The following LRP1B variants were observed in gnomAD, a reference collection of about 807,000 sequenced individuals.
The protein encoded by LRP1B is low-density lipoprotein receptor-related protein 1B.
In LRP1B, 217 loss-of-function variants were observed where a neutral mutation model predicts 556.6. The ratio of observed to expected loss-of-function variants is 0.39; its 90% CI spans 0.35 to 0.44. The LOEUF (loss-of-function observed/expected upper bound fraction) is 0.44. Among genes scored for constraint, LRP1B ranks in the 20% least tolerant of loss-of-function variants. The pLI, the probability that LRP1B is intolerant of heterozygous loss-of-function variation, is 1.00. For missense variants in LRP1B, 5,053 were observed against 5,620.8 expected (o/e 0.90, Z 3.23); for synonymous variants, 2,047 against 1,865.8 (o/e 1.10, Z -2.50).
At chr2:140,746,081 T>C (rs989718606) in intron 35 of LRP1B, among the ~76,000 whole-genome samples, 4 of 152,164 alleles carry the variant, frequency 2.6e-5, no homozygotes, top group African/African-American at 9.6e-5. Flanking sequence ...GTTGTGAGTG[T>C]GCACAATATG....
intron 7 of LRP1B, among the ~76,000 whole-genome samples, chr2:141,105,251 T>C (rs1354870588): frequency 1.3e-5 from 2 of 152,148 alleles, no homozygotes; most frequent in Non-Finnish European, 2.9e-5. Context: ...ATATGGATTT[T>C]ATATATCCAG....
chr2:141,660,220 G>A (rs1483360939), intron 2 of LRP1B, among the ~76,000 whole-genome samples: 3 of 152,212 alleles, frequency 2.0e-5, no homozygotes, highest in Non-Finnish European at 4.4e-5. Flanking sequence ...CCTGGGAGCC[G>A]GAACAAGGGG....
intron 3 of LRP1B, among the ~76,000 whole-genome samples, chr2:141,386,390 A>T (rs1191404000): frequency 6.6e-6 from 1 of 152,188 alleles, no homozygotes; most frequent in African/African-American, 2.4e-5. Flanking sequence ...AATGAAATGG[A>T]TGAAACTCTC....
chr2:142,043,146 T>C (rs1704121243), intron 1 of LRP1B, among the ~76,000 whole-genome samples: 1 of 151,616 alleles, frequency 6.6e-6, no homozygotes, highest in Non-Finnish European at 1.5e-5. Context: ...CTGGGTTAAC[T>C]GGATGTAATT....
At chr2:140,840,412 G>T (rs1425109703) in intron 30 of LRP1B, among the ~76,000 whole-genome samples, 1 of 152,034 alleles carries the variant, frequency 6.6e-6, no homozygotes, top group East Asian at 1.9e-4. Context: ...AATCCTCTTG[G>T]CTGTGAAGAA....
rs755044177 is a variant in LRP1B, at chr2:140,274,603, G to GA, written c.12968-6dup. 1.6e-4 allele frequency: 252 copies of GA among 1,600,248 alleles called. No homozygotes were observed. The highest frequency in any genetic ancestry group is 1.9e-4 in the Non-Finnish European group (225 of 1,173,788). ...CACAATAGTGGTGGCACACGTCTAG[G>GA]AAAAAAAGGCACAACAGAAAAATAA... On this transcript the variant is annotated splice_region_variant and splice_polypyrimidine_tract_variant and intron_variant, in intron 84 of 90. Coordinates refer to ENST00000389484, the MANE Select transcript of LRP1B (RefSeq NM_018557.3).
At chr2:141,103,522 T>TTCTATCTCTCTCTCTCTCTCTC (rs1553460353) in intron 7 of LRP1B, among the ~76,000 whole-genome samples, 3 of 149,026 alleles carry the variant, frequency 2.0e-5, no homozygotes, top group Admixed American at 6.7e-5. Flanking sequence ...AGCACACACA[T>TTCTATCTCTCTCTCTCTCTCTC]TCTCTCTCTC....
chr2:142,008,330 C>T (rs1324012422), intron 1 of LRP1B, among the ~76,000 whole-genome samples: 1 of 152,150 alleles, frequency 6.6e-6, no homozygotes, highest in Non-Finnish European at 1.5e-5. Flanking sequence ...AAGAAAGGCC[C>T]TAGTGATGCA....
At chr2:141,734,485 AGAGT>A (rs1490026229) in intron 2 of LRP1B, among the ~76,000 whole-genome samples, 2 of 152,070 alleles carry the variant, frequency 1.3e-5, no homozygotes, top group African/African-American at 2.4e-5. Flanking sequence ...AGAGAATGAG[AGAGT>A]GAGAGCAAAA....
At chr2:142,012,729 A>G (rs1702995177) in intron 1 of LRP1B, among the ~76,000 whole-genome samples, 1 of 152,176 alleles carries the variant, frequency 6.6e-6, no homozygotes, top group Admixed American at 6.5e-5. Context: ...TGCATGGTTC[A>G]CAGAATTTGT....
intron 3 of LRP1B, among the ~76,000 whole-genome samples, chr2:141,433,647 G>C (rs1489514024): frequency 1.3e-5 from 2 of 151,758 alleles, no homozygotes; most frequent in African/African-American, 4.8e-5. Context: ...AGTTTTGTTG[G>C]GGTTCTCTTT....
At chr2:142,004,577 G>A (rs1183285225) in intron 1 of LRP1B, among the ~76,000 whole-genome samples, 2 of 151,968 alleles carry the variant, frequency 1.3e-5, no homozygotes, top group African/African-American at 2.4e-5. Context: ...CAGGCACAGT[G>A]GCTCACACCT....
intron 21 of LRP1B, among the ~76,000 whole-genome samples, chr2:140,920,111 G>T (rs567025664): frequency 1.2e-4 from 18 of 152,062 alleles, no homozygotes; most frequent in African/African-American, 4.3e-4. Context: ...TATGAAGAAA[G>T]GCATTTCTGA....
chr2:142,099,205 C>A (rs2104965336), intron 1 of LRP1B, among the ~76,000 whole-genome samples: 1 of 151,888 alleles, frequency 6.6e-6, no homozygotes, highest in East Asian at 1.9e-4. Context: ...ATGTGTAAAA[C>A]CAAATTAAAC....
intron 1 of LRP1B, among the ~76,000 whole-genome samples, chr2:141,816,556 A>G (rs1432106777): frequency 6.6e-6 from 1 of 152,044 alleles, no homozygotes; most frequent in Non-Finnish European, 1.5e-5. Context: ...CAGCTTCCCT[A>G]CTTTTGAGGT....
At position 141,144,719 on chromosome 2, in the gene LRP1B, G is replaced by A. The variant is rs558892318; in HGVS notation, c.1013+43702C>T. Reference sequence around the variant, plus strand: ...AGGCACAAAAATTATTAGAAGCACCGCAAGGCACCATCATTAAAGTCACCA... The same window carrying A: ...AGGCACAAAAATTATTAGAAGCACCACAAGGCACCATCATTAAAGTCACCA... On this transcript the variant is annotated intron_variant, in intron 7 of 90. Transcript: ENST00000389484. Among the ~76,000 whole-genome samples the A allele has an allele frequency of 6.2e-4, 95 of 152,142 alleles. 2 individuals carry two copies. Among genetic ancestry groups the A allele is most frequent in the African/African-American group, 1.9e-3 (77 of 41,514 alleles).
intron 2 of LRP1B, among the ~76,000 whole-genome samples, chr2:141,739,680 G>GTTT (rs530110334): frequency 9.8e-4 from 141 of 143,148 alleles, no homozygotes; most frequent in South Asian, 2.0e-3. Context: ...TCTACTGGTT[G>GTTT]TTTTTTTTTT....
chr2:141,207,568 G>C (rs2105241554), intron 6 of LRP1B, among the ~76,000 whole-genome samples: 1 of 152,292 alleles, frequency 6.6e-6, no homozygotes, highest in Admixed American at 6.5e-5. Flanking sequence ...ATCTAAAATA[G>C]AAGCTTCTTT....
chr2:141,490,946 T>C (rs1241866209), intron 2 of LRP1B, among the ~76,000 whole-genome samples: 1 of 151,148 alleles, frequency 6.6e-6, no homozygotes, highest in Non-Finnish European at 1.5e-5. Flanking sequence ...TTTTTTTTTT[T>C]TTTTTTTAAT....
Sources: allele counts gnomAD v4.1 joint callset (sites outside exome capture counted in the v4.1 genomes callset), GRCh38; gene constraint gnomAD v4.1.1; transcripts MANE v1.5; gene names NCBI Gene and HGNC (gene_info 2026-07-23, HGNC 2026-07-21).